TANC1: variants seen among roughly 807,000 people sequenced by gnomAD.
The protein encoded by TANC1 is protein TANC1.
A neutral mutation model predicts 149.7 loss-of-function variants in TANC1; 77 were observed. The ratio of observed to expected loss-of-function variants is 0.51; its 90% CI spans 0.43 to 0.62. The LOEUF (loss-of-function observed/expected upper bound fraction) is 0.62. TANC1 is among the 20% of genes least tolerant of loss of function. The pLI is 0.00. For missense variants in TANC1, 1,985 were observed against 2,321.8 expected, an observed-to-expected ratio of 0.85 and a Z score of 2.98; for synonymous variants, 854 against 925.0, an observed-to-expected ratio of 0.92 and a Z score of 1.39.
At chr2:159,058,605 T>G (rs1368877021) in intron 2 of TANC1, among the ~76,000 whole-genome samples, 1 of 152,228 alleles carries the variant, frequency 6.6e-6, no homozygotes, top group African/African-American at 2.4e-5. Context: ...ACATATCTTT[T>G]GACCATTGTG....
intron 5 of TANC1, among the ~76,000 whole-genome samples, chr2:159,140,408 G>C (rs1559334207): frequency 6.6e-6 from 1 of 152,240 alleles, no homozygotes; most frequent in East Asian, 1.9e-4. Flanking sequence ...TAGAAAAGGG[G>C]CATACCTGGT....
chr2:159,179,148 TC>T lies in TANC1; in HGVS notation c.2497del (p.Leu833CysfsTer22). On this transcript the variant is annotated frameshift_variant, in exon 14 of 27. Transcript: ENST00000263635. LOFTEE classifies it high-confidence loss of function. ...VWRADGENTA[F>X]LCEPRNGHAL... ...AGAGCAGACGGGGAAAACACGGCCT[TC>T]CTGTGTGAGCCCAGGTACGGCAGGC... 1.2e-6 allele frequency: 2 copies of T among 1,610,900 alleles called. No homozygotes were observed. The highest frequency in any genetic ancestry group is 2.2e-5 in the South Asian group (2 of 90,880).
At chr2:159,223,671 C>T (rs2059836861) in intron 22 of TANC1, among the ~76,000 whole-genome samples, 3 of 152,152 alleles carry the variant, frequency 2.0e-5, no homozygotes, top group Admixed American at 6.5e-5. Context: ...GCTATTATAT[C>T]ACATCAAATC....
intron 10 of TANC1, among the ~76,000 whole-genome samples, chr2:159,171,849 T>C (rs1471106304): frequency 3.1e-5 from 3 of 96,778 alleles, no homozygotes; most frequent in African/African-American, 4.4e-5. Flanking sequence ...AGAGTGAGAC[T>C]CCGCCTTAAA....
chr2:159,145,226 A>G (rs575670240), intron 5 of TANC1, among the ~76,000 whole-genome samples: 3 of 152,330 alleles, frequency 2.0e-5, no homozygotes, highest in African/African-American at 7.2e-5. Flanking sequence ...ACAAAAACCT[A>G]TTTGAGGCAG....
At chr2:159,151,730 T>C (rs956786806) in intron 7 of TANC1, among the ~76,000 whole-genome samples, 3 of 152,150 alleles carry the variant, frequency 2.0e-5, no homozygotes, top group African/African-American at 4.8e-5. Context: ...GACCTCACTA[T>C]AGCTTCTAGA....
At chr2:158,980,298 A>G (rs979947197) in intron 1 of TANC1, among the ~76,000 whole-genome samples, 11 of 151,306 alleles carry the variant, frequency 7.3e-5, no homozygotes, top group African/African-American at 2.7e-4. Context: ...TTTTTTTTCC[A>G]GAACATTTTT....
intron 7 of TANC1, among the ~76,000 whole-genome samples, chr2:159,155,405 C>T (rs1288211600): frequency 1.3e-5 from 2 of 152,184 alleles, no homozygotes; most frequent in Non-Finnish European, 2.9e-5. Context: ...CCTTTCTTTA[C>T]CTGTTGAGAT....
intron 5 of TANC1, among the ~76,000 whole-genome samples, chr2:159,139,998 G>A (rs908617834): frequency 5.3e-5 from 8 of 152,118 alleles, no homozygotes; most frequent in Admixed American, 4.6e-4. Flanking sequence ...CAAGGCAGGA[G>A]AATTGCTTGA....
In TANC1 at chr2:159,230,592, G is replaced by A. The variant is rs746679276; in HGVS notation, c.5166G>A (p.Pro1722=). Residue 1722 remains proline, a synonymous_variant, in exon 27 of 27, where the codon CCG becomes CCA. Transcript: ENST00000263635. This position sits in a 1 kb window ranked among gnomAD's most constrained non-coding sequence, Gnocchi z 4.4. The stretch of plus-strand genomic sequence containing the variant: ...CTGAGCACAGACCCCGCAACACGCC[G>A]TTCATGGGCATCATGGATAAGACTG... ...GTAEHRPRNT[P]FMGIMDKTAR... 1.1e-5 allele frequency: 18 copies of A among 1,614,156 alleles called. No homozygotes were observed. The highest frequency in any genetic ancestry group is 1.6e-4 in the Middle Eastern group (1 of 6,062).
chr2:159,183,152 G>A (rs1298255447), intron 14 of TANC1, among the ~76,000 whole-genome samples: 1 of 152,228 alleles, frequency 6.6e-6, no homozygotes, highest in Non-Finnish European at 1.5e-5. Context: ...CTGACATGAG[G>A]TAGCTCTTGT....
At chr2:159,174,903 G>T in intron 11 of TANC1, 50 bp from the exon 12 acceptor site, 1 of 1,400,190 alleles carries the variant, frequency 7.1e-7, no homozygotes, top group Non-Finnish European at 1.0e-6. Flanking sequence ...ATTGCAGAAG[G>T]AGCTGTGTGA....
intron 2 of TANC1, among the ~76,000 whole-genome samples, chr2:159,024,877 C>T (rs560919294): frequency 7.2e-5 from 11 of 152,264 alleles, no homozygotes; most frequent in Admixed American, 1.3e-4. Context: ...ATATTCAGGA[C>T]AGTAACATGC....
intron 7 of TANC1, among the ~76,000 whole-genome samples, chr2:159,158,076 C>A (rs1484271081): frequency 1.3e-5 from 2 of 152,068 alleles, no homozygotes; most frequent in Non-Finnish European, 2.9e-5. Flanking sequence ...TGTAGAGAGG[C>A]CGGGCATGGT....
At chr2:159,037,712 A>G (rs974980046) in intron 2 of TANC1, among the ~76,000 whole-genome samples, 2 of 152,106 alleles carry the variant, frequency 1.3e-5, no homozygotes, top group African/African-American at 2.4e-5. Context: ...CCATTGGTCT[A>G]TCTCTCTGTT....
At chr2:158,979,617 T>A (rs905164090) in intron 1 of TANC1, among the ~76,000 whole-genome samples, 2 of 152,204 alleles carry the variant, frequency 1.3e-5, no homozygotes, top group Non-Finnish European at 2.9e-5. Context: ...GAGCTTTGAT[T>A]TCAAGGTTTT....
chr2:159,088,199 G>T (rs1474554732), intron 3 of TANC1, among the ~76,000 whole-genome samples: 1 of 152,088 alleles, frequency 6.6e-6, no homozygotes, highest in African/African-American at 2.4e-5. Context: ...GGGCTCTGGT[G>T]CCTTTCAGAG....
intron 22 of TANC1, among the ~76,000 whole-genome samples, chr2:159,223,801 C>T (rs530737243): frequency 6.6e-6 from 1 of 152,316 alleles, no homozygotes; most frequent in South Asian, 2.1e-4. Context: ...AACAGTCTGC[C>T]GTGCACAGGT....
At chr2:159,165,614 A>G (rs546664039) in intron 8 of TANC1, among the ~76,000 whole-genome samples, 153 of 152,374 alleles carry the variant, frequency 1.0e-3, no homozygotes, top group Middle Eastern at 3.4e-3. Context: ...TATAGACTCT[A>G]TGCAGCACTA....
Sources: allele counts gnomAD v4.1 joint callset (sites outside exome capture counted in the v4.1 genomes callset), GRCh38; gene constraint gnomAD v4.1.1; non-coding constraint Gnocchi (gnomAD v3.1); transcripts MANE v1.5; gene names NCBI Gene and HGNC (gene_info 2026-07-23, HGNC 2026-07-21).